ULK4: variants seen among roughly 807,000 people sequenced by gnomAD.
ULK4 encodes inactive serine/threonine-protein kinase ULK4.
In ULK4, 133 loss-of-function variants were observed where a neutral mutation model predicts 160.6. The ratio of observed to expected loss-of-function variants is 0.83; its 90% CI spans 0.72 to 0.96. The LOEUF (loss-of-function observed/expected upper bound fraction) is 0.96. ULK4 is among the 40% of genes least tolerant of loss of function. The pLI, the probability that ULK4 is intolerant of heterozygous loss-of-function variation, is 0.00. For synonymous variants in ULK4, 534 were observed against 539.8 expected, an observed-to-expected ratio of 0.99 and a Z score of 0.15; for missense variants, 1,580 against 1,499.5, an observed-to-expected ratio of 1.05 and a Z score of -0.89.
chr3:41,353,887 G>C (rs972702165), intron 35 of ULK4, among the ~76,000 whole-genome samples: 3 of 152,048 alleles, frequency 2.0e-5, no homozygotes, highest in African/African-American at 7.2e-5. Context: ...AAATCTCGGT[G>C]ACTAAACACC....
intron 22 of ULK4, among the ~76,000 whole-genome samples, chr3:41,740,335 A>C (rs1324656067): frequency 2.0e-5 from 3 of 151,786 alleles, no homozygotes; most frequent in East Asian, 1.9e-4. Flanking sequence ...AGGAAAAAAA[A>C]CTCTAGGAAA....
chr3:41,267,021 G>T (rs984058952), intron 35 of ULK4, among the ~76,000 whole-genome samples: 6 of 143,362 alleles, frequency 4.2e-5, no homozygotes, highest in Admixed American at 1.4e-4. Flanking sequence ...TCTCTATTGG[G>T]GGGGGGGGGT....
intron 21 of ULK4, among the ~76,000 whole-genome samples, chr3:41,786,474 C>T (rs1440974428): frequency 2.6e-5 from 4 of 151,876 alleles, no homozygotes; most frequent in South Asian, 2.1e-4. Flanking sequence ...TGGCGGTGCA[C>T]GCCAGTAGTC....
At chr3:41,695,586 C>A (rs1197470772) in intron 27 of ULK4, among the ~76,000 whole-genome samples, 3 of 152,080 alleles carry the variant, frequency 2.0e-5, no homozygotes, top group Non-Finnish European at 4.4e-5. Flanking sequence ...AAAATATCAG[C>A]ACCAAAATAA....
chr3:41,549,030 A>G (rs959998160), intron 32 of ULK4, among the ~76,000 whole-genome samples: 1 of 152,204 alleles, frequency 6.6e-6, no homozygotes, highest in Non-Finnish European at 1.5e-5. Flanking sequence ...CTACAGATAC[A>G]TCTACAGGAA....
chr3:41,794,689 C>CAA (rs2040253035), intron 20 of ULK4, among the ~76,000 whole-genome samples: 2 of 50,104 alleles, frequency 4.0e-5, no homozygotes, highest in African/African-American at 1.8e-4. Flanking sequence ...AAAAAAAACA[C>CAA]AGAAAAAAAA....
chr3:41,797,360 C>A (rs184884819), intron 20 of ULK4, among the ~76,000 whole-genome samples: 67 of 152,226 alleles, frequency 4.4e-4, no homozygotes, highest in African/African-American at 1.6e-3. Flanking sequence ...AATGGATAAT[C>A]ATCACATGAC....
chr3:41,929,039 A>G (rs576178360), intron 5 of ULK4, among the ~76,000 whole-genome samples: 24 of 152,312 alleles, frequency 1.6e-4, no homozygotes, highest in Middle Eastern at 3.4e-3. Flanking sequence ...GATATTAAAA[A>G]AAAAAAAATT....
At chr3:41,263,393 C>T (rs1411393246) in intron 35 of ULK4, among the ~76,000 whole-genome samples, 1 of 152,076 alleles carries the variant, frequency 6.6e-6, no homozygotes, top group Non-Finnish European at 1.5e-5. Flanking sequence ...GGCCTGTTTC[C>T]AGCCCCTTCT....
intron 21 of ULK4, among the ~76,000 whole-genome samples, chr3:41,771,251 A>C (rs188853496): frequency 7.3e-4 from 111 of 152,334 alleles, no homozygotes; most frequent in Middle Eastern, 3.4e-3. Context: ...AAAGTTAATT[A>C]GTTTAATAAT....
chr3:41,814,270 T>C (rs2040900845), intron 19 of ULK4, among the ~76,000 whole-genome samples: 1 of 152,244 alleles, frequency 6.6e-6, no homozygotes, highest in Admixed American at 6.5e-5. Flanking sequence ...ACAAGCTTTG[T>C]ATGCTTAACA....
At position 41,312,647 on chromosome 3, in the gene ULK4, ACAAACAAAC is replaced by A. The variant is rs540612191; in HGVS notation, c.3679-63082_3679-63074del. On this transcript the variant is annotated intron_variant, in intron 35 of 36. Transcript: ENST00000301831. ...TCATCTCTACAGAAAAAAAACAAAA[ACAAACAAAC>A]AAACAAACAAAAAAACATTAGCACA... Among the ~76,000 whole-genome samples the A allele has an allele frequency of 3.5e-4, 38 of 109,112 alleles. No individual in the cohort carries two copies. In the East Asian group the frequency reaches 7.7e-3, roughly 22 times the overall value. 71.6% of individuals were successfully genotyped at this position (109,112 alleles called of 152,430 possible). A position where few individuals can be genotyped will look rare whatever the true frequency, so the allele number is the denominator to read the frequency against.
chr3:41,913,134 C>A, intron 8 of ULK4: 1 of 338,712 alleles, frequency 3.0e-6, no homozygotes. Context: ...GATAACTAAG[C>A]ATTAGAAGTT....
At chr3:41,653,451 G>A (rs184279404) in intron 30 of ULK4, among the ~76,000 whole-genome samples, 10 of 152,136 alleles carry the variant, frequency 6.6e-5, no homozygotes, top group African/African-American at 1.9e-4. Flanking sequence ...TTTTAGTAAC[G>A]AACTATTTTT....
At chr3:41,633,837 C>T (rs192473630) in intron 30 of ULK4, among the ~76,000 whole-genome samples, 3 of 152,258 alleles carry the variant, frequency 2.0e-5, no homozygotes, top group Admixed American at 2.0e-4. Context: ...CAGGAGGCCA[C>T]TACCATGACC....
intron 35 of ULK4, among the ~76,000 whole-genome samples, chr3:41,353,708 CT>C (rs2080967272): frequency 6.3e-5 from 7 of 111,320 alleles, no homozygotes; most frequent in African/African-American, 2.5e-4. Context: ...ATTACTACTA[CT>C]ACTACTACTA....
rs1009349276 is a variant in ULK4 at position 41,665,172 on chromosome 3, A to G, written c.2979-1473T>C. Among the ~76,000 whole-genome samples the G allele has an allele frequency of 7.9e-5, 12 of 152,326 alleles. No individual in the cohort carries two copies. In the East Asian group the frequency reaches 2.3e-3, roughly 29 times the overall value. On this transcript the variant is annotated intron_variant, in intron 29 of 36. Coordinates refer to ENST00000301831, the MANE Select transcript of ULK4 (RefSeq NM_017886.4). ...CCTTTCATCTAGAGAATAGGGCCCC[A>G]TGCTTACTCAGAGCTTATTTACTCT...
intron 21 of ULK4, among the ~76,000 whole-genome samples, chr3:41,782,849 T>C (rs562967925): frequency 8.5e-5 from 13 of 152,328 alleles, no homozygotes; most frequent in African/African-American, 3.1e-4. Flanking sequence ...AATTATTAAA[T>C]GTGCAAAAGA....
At chr3:41,746,271 A>AC (rs1328606810) in intron 22 of ULK4, among the ~76,000 whole-genome samples, 42 of 113,738 alleles carry the variant, frequency 3.7e-4, no homozygotes, top group African/African-American at 1.4e-3. Context: ...CCTGGAACCC[A>AC]CAAAAAAAAA....
Sources: gnomAD v4.1 joint callset for allele counts (sites outside exome capture counted in the v4.1 genomes callset) on GRCh38, gnomAD v4.1.1 for gene constraint, MANE v1.5 for transcripts, NCBI Gene and HGNC (gene_info 2026-07-23, HGNC 2026-07-21) for gene names.